Variants in DIP2C observed in about 807,000 individuals in gnomAD.
DIP2C encodes disco-interacting protein 2 homolog C.
In DIP2C, 33 loss-of-function variants were observed where a neutral mutation model predicts 192.4. That is an observed-to-expected ratio of 0.17 (90% CI 0.13 to 0.23). DIP2C has a LOEUF of 0.23. Among genes scored for constraint, DIP2C ranks in the 10% least tolerant of loss-of-function variants. The pLI, the probability that DIP2C is intolerant of heterozygous loss-of-function variation, is 1.00. For synonymous variants in DIP2C, 979 were observed against 864.1 expected (o/e 1.13, Z -2.33); for missense variants, 1,537 against 2,110.1 (o/e 0.73, Z 5.32).
intron 18 of DIP2C, among the ~76,000 whole-genome samples, chr10:367,109 A>G (rs1452567727): frequency 6.6e-6 from 1 of 152,176 alleles, no homozygotes; most frequent in East Asian, 1.9e-4. Flanking sequence ...CATAAGTTAA[A>G]CTCACAGGAA....
chr10:356,304 CAT>C, intron 24 of DIP2C, 120 bp downstream of exon 24: 1 of 1,170,434 alleles, frequency 8.5e-7, no homozygotes, highest in East Asian at 2.4e-5. Flanking sequence ...AATAGCAAAA[CAT>C]AAAAAGAATT....
At chr10:573,882 T>C (rs1362332314) in intron 1 of DIP2C, among the ~76,000 whole-genome samples, 1 of 152,186 alleles carries the variant, frequency 6.6e-6, no homozygotes, top group African/African-American at 2.4e-5. Context: ...AGAAGCAGCA[T>C]TCTTCAAGTT....
At chr10:422,731 G>A (rs1014637760) in intron 5 of DIP2C, 93 bp downstream of exon 5, 26 of 1,441,580 alleles carry the variant, frequency 1.8e-5, no homozygotes, top group South Asian at 1.1e-4. Context: ...TCTTTCCACC[G>A]AGGGATTCCG....
chr10:313,463 C>A (rs3097730), intron 31 of DIP2C, among the ~76,000 whole-genome samples: 117,343 of 150,576 alleles, frequency 0.78, 46,298 homozygotes, highest in Non-Finnish European at 0.85. Flanking sequence ...AACCTTGAAT[C>A]CCAAATATTC....
intron 31 of DIP2C, among the ~76,000 whole-genome samples, chr10:319,822 C>T (rs1956929989): frequency 1.3e-5 from 2 of 152,064 alleles, no homozygotes; most frequent in South Asian, 4.1e-4. Context: ...TCTGTTTTTA[C>T]CTCCTAGCTT....
At chr10:479,352 T>TTA (rs1299533403) in intron 2 of DIP2C, among the ~76,000 whole-genome samples, 1 of 140,270 alleles carries the variant, frequency 7.1e-6, no homozygotes, top group East Asian at 2.0e-4. Flanking sequence ...TTTTTTTTTT[T>TTA]AAGATGGAGT....
At chr10:665,701 A>G (rs906583124) in intron 1 of DIP2C, 7 of 152,324 alleles carry the variant, frequency 4.6e-5, no homozygotes, top group Non-Finnish European at 7.3e-5. Flanking sequence ...ACAGCGCCAG[A>G]TTCCCACACT....
Position 595,414 on chromosome 10 carries a change from T to G in DIP2C, c.85+94080A>C, listed in dbSNP as rs147343486. ...AATAAAATATGACCACAACCTTTTG[T>G]GAAACCATGAAGAAAAAGTGAGTAT... On this transcript the variant is annotated intron_variant, in intron 1 of 36. Coordinates refer to ENST00000280886, the MANE Select transcript of DIP2C (RefSeq NM_014974.3). Among the ~76,000 whole-genome samples the G allele has an allele frequency of 2.2e-3, 340 of 152,294 alleles. 2 individuals are homozygous for G. Among genetic ancestry groups the G allele is most frequent in the African/African-American group, 6.8e-3 (284 of 41,552 alleles).
chr10:646,318 G>A (rs1171176222), intron 1 of DIP2C, among the ~76,000 whole-genome samples: 1 of 145,048 alleles, frequency 6.9e-6, no homozygotes, highest in Non-Finnish European at 1.5e-5. Flanking sequence ...GCCTCCCCCA[G>A]GCTCTCCACA....
chr10:387,913 G>C, intron 13 of DIP2C, 104 bp from the exon 14 acceptor site: 1 of 1,275,556 alleles, frequency 7.8e-7, no homozygotes, highest in South Asian at 1.2e-5. Context: ...AACAGATCTT[G>C]GGAAAATATC....
intron 1 of DIP2C, among the ~76,000 whole-genome samples, chr10:600,175 A>C (rs1034761539): frequency 2.0e-5 from 3 of 152,166 alleles, no homozygotes; most frequent in Non-Finnish European, 2.9e-5. Context: ...ATAAGAGGGA[A>C]GACATTTGGT....
intron 2 of DIP2C, among the ~76,000 whole-genome samples, chr10:479,551 A>G (rs1843432208): frequency 6.6e-6 from 1 of 151,914 alleles, no homozygotes; most frequent in Admixed American, 6.6e-5. Flanking sequence ...AGCCAGGCTG[A>G]TCTTGAACTC....
Position 603,426 on chromosome 10 carries a change from CCT to C in DIP2C, c.85+86066_85+86067del, listed in dbSNP as rs201346871. Among the ~76,000 whole-genome samples the C allele has an allele frequency of 4.0e-3, 600 of 151,254 alleles. 9 individuals are homozygous for C. The highest frequency in any genetic ancestry group is 0.013 in the African/African-American group (519 of 41,128). On this transcript the variant is annotated intron_variant, in intron 1 of 36. Transcript: ENST00000280886. The stretch of plus-strand genomic sequence containing the variant: ...AAGGTCGCCTAACACTGACTCAGGA[CCT>C]CTGTCTCTGATGTGCTTGAAGTTTT...
At chr10:625,254 C>A (rs1162557197) in intron 1 of DIP2C, among the ~76,000 whole-genome samples, 2 of 152,208 alleles carry the variant, frequency 1.3e-5, no homozygotes, top group African/African-American at 4.8e-5. Flanking sequence ...TCCTCCCCCG[C>A]CGCTTCCCGT....
intron 1 of DIP2C, among the ~76,000 whole-genome samples, chr10:548,617 G>A (rs1433863818): frequency 6.7e-6 from 1 of 149,832 alleles, no homozygotes; most frequent in Non-Finnish European, 1.5e-5. Context: ...TTATGGGGGT[G>A]ACATGGTGTG....
At chr10:571,435 C>A (rs1849803846) in intron 1 of DIP2C, among the ~76,000 whole-genome samples, 1 of 151,884 alleles carries the variant, frequency 6.6e-6, no homozygotes, top group Non-Finnish European at 1.5e-5. Context: ...CAGGCTCCTG[C>A]CCACTGCCCT....
intron 1 of DIP2C, among the ~76,000 whole-genome samples, chr10:591,191 C>T (rs1315977116): frequency 2.0e-5 from 3 of 152,058 alleles, no homozygotes; most frequent in Non-Finnish European, 4.4e-5. Flanking sequence ...GGCGTGATCT[C>T]GGCTCACTGC....
chr10:574,041 T>TG (rs1849991655), intron 1 of DIP2C, among the ~76,000 whole-genome samples: 1 of 152,224 alleles, frequency 6.6e-6, no homozygotes, highest in Non-Finnish European at 1.5e-5. Flanking sequence ...TTAAGTATCT[T>TG]GCAAGGGAGT....
chr10:441,060 T>TC (rs1967688658), intron 3 of DIP2C, 64 bp from the exon 4 acceptor site: 2 of 1,545,288 alleles, frequency 1.3e-6, no homozygotes, highest in African/African-American at 1.4e-5. Flanking sequence ...AGCTGCACCC[T>TC]CCTCTCTGTC....
Sources: gnomAD v4.1 joint callset for allele counts (sites outside exome capture counted in the v4.1 genomes callset) on GRCh38, gnomAD v4.1.1 for gene constraint, MANE v1.5 for transcripts, NCBI Gene and HGNC (gene_info 2026-07-23, HGNC 2026-07-21) for gene names.